The following MKLN1 variants were observed in gnomAD, a reference collection of about 807,000 sequenced individuals.
MKLN1 encodes the protein muskelin.
Under a neutral mutation model 99.0 loss-of-function variants are expected in MKLN1, and 18 were observed. The ratio of observed to expected loss-of-function variants is 0.18; its 90% CI spans 0.13 to 0.27. MKLN1 has a LOEUF of 0.27. MKLN1 is among the 10% of genes least tolerant of loss of function. MKLN1 has a pLI of 1.00. For synonymous variants in MKLN1, 288 were observed against 293.2 expected, an observed-to-expected ratio of 0.98 and a Z score of 0.18; for missense variants, 621 against 875.9, an observed-to-expected ratio of 0.71 and a Z score of 3.67.
At chr7:131,136,118 G>T (rs1285976806) in intron 1 of MKLN1, among the ~76,000 whole-genome samples, 2 of 152,104 alleles carry the variant, frequency 1.3e-5, no homozygotes, top group Non-Finnish European at 2.9e-5. Flanking sequence ...CTTCTCAGAG[G>T]GGGGCCTCAG....
chr7:131,264,884 G>T (rs747167465), intron 3 of MKLN1, among the ~76,000 whole-genome samples: 1 of 152,032 alleles, frequency 6.6e-6, no homozygotes, highest in Non-Finnish European at 1.5e-5. Context: ...TGTCACCCAG[G>T]CTGTAGTGCA....
intron 3 of MKLN1, chr7:131,242,681 T>G: frequency 3.2e-6 from 2 of 626,322 alleles, no homozygotes; most frequent in South Asian, 3.2e-5. Flanking sequence ...AGAACATTGA[T>G]GATGGTACCT....
chr7:131,454,301 T>G (rs1372506423), intron 12 of MKLN1, among the ~76,000 whole-genome samples: 1 of 152,212 alleles, frequency 6.6e-6, no homozygotes, highest in East Asian at 1.9e-4. Context: ...GTAAATAAAT[T>G]GGTTGATCCA....
At chr7:131,128,896 A>ATTTTTTTTTTT (rs59954758) in intron 1 of MKLN1, among the ~76,000 whole-genome samples, 2 of 120,220 alleles carry the variant, frequency 1.7e-5, no homozygotes, top group Non-Finnish European at 3.2e-5. Context: ...CACCTCACCT[A>ATTTTTTTTTTT]TTTTTTTTTT....
chr7:131,385,103 G>A (rs541819999), intron 2 of MKLN1, among the ~76,000 whole-genome samples: 1 of 152,078 alleles, frequency 6.6e-6, no homozygotes. Flanking sequence ...GCATTTACTT[G>A]TTCTGGGTAA....
chr7:131,272,220 A>G (rs1331388985), intron 3 of MKLN1, among the ~76,000 whole-genome samples: 1 of 152,254 alleles, frequency 6.6e-6, no homozygotes, highest in African/African-American at 2.4e-5. Context: ...TGGATAAGAA[A>G]TAACCTTCTG....
chr7:131,176,991 T>G (rs1360748059), intron 2 of MKLN1, among the ~76,000 whole-genome samples: 3 of 152,110 alleles, frequency 2.0e-5, no homozygotes, highest in Admixed American at 6.6e-5. Flanking sequence ...GATAAAAGAT[T>G]AAAATTCTGG....
In MKLN1 at chr7:131,492,137, TA is replaced by T. The variant is rs1232385637; in HGVS notation, c.*4410del. 6.6e-6 allele frequency: 1 copy of T among 152,234 alleles called. No individual in the cohort carries two copies. 9.4% of individuals were successfully genotyped at this position (152,234 alleles called of 1,614,324 possible). A position where few individuals can be genotyped will look rare whatever the true frequency, so the allele number is the denominator to read the frequency against. Reference sequence around the variant, plus strand: ...GCATTAGGATCTCTTGTCATAGAACTATTGGTAAAGTACAGGTTTGATAGCA... The same window carrying T: ...GCATTAGGATCTCTTGTCATAGAACTTTGGTAAAGTACAGGTTTGATAGCA... On this transcript the variant is annotated 3_prime_UTR_variant, in exon 18 of 18. Coordinates refer to ENST00000352689, the MANE Select transcript of MKLN1 (RefSeq NM_013255.5).
In MKLN1 at chr7:131,495,858, G is replaced by A. The variant is rs758278078; in HGVS notation, c.*8130G>A. ...AAGACTCATTGGAATTTCTAAGTCCGTTATGCACCATTATGGGCATATGGA... is the reference window on the plus strand; with the variant it reads ...AAGACTCATTGGAATTTCTAAGTCCATTATGCACCATTATGGGCATATGGA... On this transcript the variant is annotated 3_prime_UTR_variant, in exon 18 of 18. Transcript: ENST00000352689. 1.3e-5 allele frequency: 2 copies of A among 152,150 alleles called. No homozygotes were observed. Among genetic ancestry groups the A allele is most frequent in the Non-Finnish European group, 2.9e-5 (2 of 68,034 alleles). 9.4% of individuals were successfully genotyped at this position (152,150 alleles called of 1,614,324 possible).
chr7:131,241,775 A>T lies in MKLN1; in HGVS notation c.-179+38801A>T, dbSNP rs79218683. 6.0e-3 allele frequency among the ~76,000 whole-genome samples: 909 copies of T among 152,348 alleles called. 15 individuals are homozygous for T. Among genetic ancestry groups the T allele is most frequent in the African/African-American group, 0.021 (862 of 41,582 alleles). On this transcript the variant is annotated intron_variant, in intron 3 of 7. Coordinates refer to the MKLN1 transcript ENST00000416992. ...CTTGGATGATAGGCAGTCAAAGTTGATGCTAGCTCTCTAATCACATACTCA... is the reference window on the plus strand; with the variant it reads ...CTTGGATGATAGGCAGTCAAAGTTGTTGCTAGCTCTCTAATCACATACTCA...
chr7:131,263,201 T>C (rs1386866289), intron 3 of MKLN1, among the ~76,000 whole-genome samples: 1 of 152,016 alleles, frequency 6.6e-6, no homozygotes, highest in Non-Finnish European at 1.5e-5. Context: ...GGTGACAATA[T>C]GCCTGTTGAA....
chr7:131,302,495 T>TTTGGTTCCA (rs1798390971), intron 3 of MKLN1, among the ~76,000 whole-genome samples: 1 of 152,216 alleles, frequency 6.6e-6, no homozygotes, highest in Non-Finnish European at 1.5e-5. Context: ...CAAAAGGCTG[T>TTTGGTTCCA]TTGGTTCCAA....
intron 4 of MKLN1, among the ~76,000 whole-genome samples, chr7:131,391,398 G>A (rs541517468): frequency 3.9e-5 from 6 of 152,300 alleles, no homozygotes; most frequent in Non-Finnish European, 8.8e-5. Context: ...TAATGGAGGG[G>A]AACAGAAGCA....
intron 11 of MKLN1, among the ~76,000 whole-genome samples, chr7:131,444,821 AGAAGTG>A (rs1375325738): frequency 3.3e-5 from 4 of 120,268 alleles, no homozygotes; most frequent in Admixed American, 8.2e-5. Flanking sequence ...TAGTAGTAGT[AGAAGTG>A]GAAGTGGAAG....
intron 6 of MKLN1, among the ~76,000 whole-genome samples, chr7:131,401,643 A>G (rs1415797140): frequency 1.3e-5 from 2 of 152,098 alleles, no homozygotes; most frequent in African/African-American, 4.8e-5. Flanking sequence ...ATTGTGCAGT[A>G]GTTGTTAATT....
intron 1 of MKLN1, among the ~76,000 whole-genome samples, chr7:131,128,891 C>A (rs1795505748): frequency 7.5e-6 from 1 of 133,382 alleles, no homozygotes; most frequent in Admixed American, 8.7e-5. Flanking sequence ...TGTGCCACCT[C>A]ACCTATTTTT....
intron 2 of MKLN1, among the ~76,000 whole-genome samples, chr7:131,385,642 T>C (rs974781719): frequency 1.3e-5 from 2 of 152,216 alleles, no homozygotes; most frequent in African/African-American, 4.8e-5. Context: ...TCTTTTCATG[T>C]GCCTGTTGGC....
intron 1 of MKLN1, among the ~76,000 whole-genome samples, chr7:131,375,187 A>T (rs1040927559): frequency 2.0e-5 from 3 of 152,172 alleles, no homozygotes; most frequent in Non-Finnish European, 4.4e-5. Flanking sequence ...ATTTTAAACA[A>T]AAGTGCCTTA....
At chr7:131,363,420 T>C (rs1800086746) in intron 1 of MKLN1, among the ~76,000 whole-genome samples, 1 of 152,076 alleles carries the variant, frequency 6.6e-6, no homozygotes, top group Non-Finnish European at 1.5e-5. Context: ...GGTCTATTTC[T>C]GTTTCTTGCA....
Sources: gnomAD v4.1 joint callset for allele counts (sites outside exome capture counted in the v4.1 genomes callset) on GRCh38, gnomAD v4.1.1 for gene constraint, MANE v1.5 for transcripts, NCBI Gene and HGNC (gene_info 2026-07-23, HGNC 2026-07-21) for gene names.